The following ZNF440 variants were observed in gnomAD, a reference collection of about 807,000 sequenced individuals.
ZNF440 encodes the protein zinc finger protein 440.
A neutral mutation model predicts 49.7 loss-of-function variants in ZNF440; 47 were observed. The ratio of observed to expected loss-of-function variants is 0.95; its 90% CI spans 0.75 to 1.21. The LOEUF is 1.21. Among genes scored for constraint, ZNF440 ranks in the 50% most tolerant of loss-of-function variants. The probability of loss-of-function intolerance (pLI) is 0.00; values close to 1 mark genes in which losing one functional copy is unlikely to be tolerated. For missense variants in ZNF440, 703 were observed against 715.0 expected (o/e 0.98, Z 0.19); for synonymous variants, 255 against 237.7 (o/e 1.07, Z -0.67).
intron 1 of ZNF440, among the ~76,000 whole-genome samples, chr19:11,820,519 G>T (rs1975786723): frequency 6.6e-6 from 1 of 152,068 alleles, no homozygotes; most frequent in South Asian, 2.1e-4. Flanking sequence ...ACTGTGCCCG[G>T]CCCTACACCC....
At chr19:11,828,917 C>G (rs1975899687) in intron 1 of ZNF440, among the ~76,000 whole-genome samples, 1 of 151,954 alleles carries the variant, frequency 6.6e-6, no homozygotes, top group African/African-American at 2.4e-5. Context: ...CTCCAACCCT[C>G]AGGTGATCTG....
rs138637810 is a variant in ZNF440, at chr19:11,821,977, T to C, written c.3+7527T>C. ...ACATCCAGGATGCACATTCAACCAGTAGGTGGGGAGCAAGACAGACAGGGA... is the reference window on the plus strand; with the variant it reads ...ACATCCAGGATGCACATTCAACCAGCAGGTGGGGAGCAAGACAGACAGGGA... On this transcript the variant is annotated intron_variant, in intron 1 of 3. Coordinates refer to ENST00000304060, the MANE Select transcript of ZNF440 (RefSeq NM_152357.3). Among the ~76,000 whole-genome samples the C allele has an allele frequency of 4.1e-3, 628 of 152,110 alleles. 6 individuals are homozygous for C. The highest frequency in any genetic ancestry group is 0.015 in the African/African-American group (613 of 41,508).
chr19:11,831,669 G>T lies in ZNF440; in HGVS notation c.493G>T (p.Asp165Tyr). Reference protein sequence around the residue: ...YRPSFRTQERDHTGEKPNACK... With the variant: ...YRPSFRTQERYHTGEKPNACK... ...CCCCTCCTTTAGAACACAAGAAAGG[G>T]ATCACACTGGAGAGAAACCCAATGC... Residue 165 changes from aspartate (D) to tyrosine (Y), a missense_variant, in exon 4 of 4, where the codon GAT (aspartate) becomes TAT (tyrosine). Coordinates refer to ENST00000304060, the MANE Select transcript of ZNF440 (RefSeq NM_152357.3). The T allele has an allele frequency of 6.2e-7, 1 of 1,614,148 alleles. No individual in the cohort carries two copies. Among genetic ancestry groups the T allele is most frequent in the Non-Finnish European group, 8.5e-7 (1 of 1,180,008 alleles).
In ZNF440 at chr19:11,831,546, A is replaced by G. The variant is rs780633623; in HGVS notation, c.370A>G (p.Asn124Asp). 30 of 1,614,062 alleles carry G rather than the reference A, an allele frequency of 1.9e-5. No individual in the cohort carries two copies. The South Asian group carries it at 2.5e-4, about 14-fold the overall frequency. The change falls in exon 4 of 4, where the codon AAC becomes GAC. Residue 124 changes from asparagine (N) to aspartate (D), a missense_variant. Coordinates refer to ENST00000304060, the MANE Select transcript of ZNF440 (RefSeq NM_152357.3). ...VGLGNSSFNM[N>D]IRGDIGHKAY... ...CCTAGGTAACTCATCTTTTAATATGAACATCAGAGGTGACATTGGACACAA... is the reference window on the plus strand; with the variant it reads ...CCTAGGTAACTCATCTTTTAATATGGACATCAGAGGTGACATTGGACACAA...
In ZNF440 at chr19:11,831,611, G is replaced by A; in HGVS notation, c.435G>A (p.Lys145=). 2 of 1,614,166 alleles carry A rather than the reference G, an allele frequency of 1.2e-6. No homozygotes were observed. Among genetic ancestry groups the A allele is most frequent in the Non-Finnish European group, 1.7e-6 (2 of 1,180,020 alleles). ...EYQEYGPKPC[K]CQQPKKAFRY... ...AGGAATATGGACCAAAGCCATGTAA[G>A]TGTCAACAACCTAAAAAAGCCTTCA... Residue 145 remains lysine (K), a synonymous_variant, in exon 4 of 4, where the codon AAG becomes AAA. Coordinates refer to ENST00000304060, the MANE Select transcript of ZNF440 (RefSeq NM_152357.3).
intron 1 of ZNF440, among the ~76,000 whole-genome samples, chr19:11,822,815 C>T (rs1975814707): frequency 7.6e-6 from 1 of 132,096 alleles, no homozygotes; most frequent in Admixed American, 8.4e-5. Flanking sequence ...CCATTGCTCT[C>T]CAGCCTGGGC....
chr19:11,824,789 C>T (rs1333948215), intron 1 of ZNF440, among the ~76,000 whole-genome samples: 1 of 149,464 alleles, frequency 6.7e-6, no homozygotes, highest in East Asian at 2.0e-4. Flanking sequence ...CTCACTGCAA[C>T]CTCCGCCTCC....
At position 11,832,856 on chromosome 19, in the gene ZNF440, C is replaced by G. The variant is rs766528860; in HGVS notation, c.1680C>G (p.Tyr560Ter). Reference sequence around the variant, plus strand: ...CAGATCTGCCCCACACCTTTGAATACGTGGTAGGACACACAATGGAGAGAA... The same window carrying G: ...CAGATCTGCCCCACACCTTTGAATAGGTGGTAGGACACACAATGGAGAGAA... ...KPSDLPHTFE[Y>*]VVGHTMERSP... Residue 560 changes from tyrosine to a stop codon, truncating the protein, a stop_gained, in exon 4 of 4, where the codon TAC becomes TAG. Transcript: ENST00000304060. LOFTEE classifies it high-confidence loss of function. 1.2e-6 allele frequency: 2 copies of G among 1,612,594 alleles called. No homozygotes were observed. Among genetic ancestry groups the G allele is most frequent in the Non-Finnish European group, 1.7e-6 (2 of 1,178,880 alleles).
At position 11,832,872 on chromosome 19, in the gene ZNF440, A is replaced by T. The variant is rs527740574; in HGVS notation, c.1696A>T (p.Met566Leu). 3.5e-4 allele frequency: 565 copies of T among 1,611,694 alleles called. 4 individuals carry two copies. In the South Asian group the frequency reaches 5.8e-3, roughly 16 times the overall value. ...CTTTGAATACGTGGTAGGACACACA[A>T]TGGAGAGAAGCCCTATGCATGTAAG... ...HTFEYVVGHT[M>L]ERSPMHVRNV... Residue 566 changes from methionine (M) to leucine (L), a missense_variant, in exon 4 of 4, where the codon ATG (methionine) becomes TTG (leucine). Met to Leu is a conservative substitution (Grantham distance 15). Coordinates refer to ENST00000304060, the MANE Select transcript of ZNF440 (RefSeq NM_152357.3).
At chr19:11,822,220 T>C (rs1356174604) in intron 1 of ZNF440, among the ~76,000 whole-genome samples, 3 of 152,180 alleles carry the variant, frequency 2.0e-5, no homozygotes, top group African/African-American at 4.8e-5. Flanking sequence ...GTCACCAGAA[T>C]GCAGTTGTGT....
At position 11,819,517 on chromosome 19, in the gene ZNF440, G is replaced by A. The variant is rs1050977632; in HGVS notation, c.3+5067G>A. ...GGGTTAAAGTAATTCTCCTGCCTCA[G>A]CCTCCCAAGTATCTGGGATTACAGG... On this transcript the variant is annotated intron_variant, in intron 1 of 3. Transcript: ENST00000304060. Among the ~76,000 whole-genome samples, 50 of 152,166 alleles carry A rather than the reference G, an allele frequency of 3.3e-4. 1 individual carries two copies. Among genetic ancestry groups the A allele is most frequent in the Admixed American group, 1.8e-3 (28 of 15,278 alleles).
chr19:11,826,111 A>G (rs1427815890), intron 1 of ZNF440, among the ~76,000 whole-genome samples: 2 of 152,156 alleles, frequency 1.3e-5, no homozygotes, highest in Non-Finnish European at 2.9e-5. Context: ...GCACGCGGCC[A>G]GGGCCACTCA....
Position 11,831,698 on chromosome 19 carries a change from T to C in ZNF440, c.522T>C (p.Cys174=), listed in dbSNP as rs371957789. The change falls in exon 4 of 4, where the codon TGT becomes TGC. Residue 174 remains cysteine (C), a synonymous_variant. Coordinates refer to ENST00000304060, the MANE Select transcript of ZNF440 (RefSeq NM_152357.3). ...ACACTGGAGAGAAACCCAATGCTTG[T>C]AAAGTATGTGGAAAAACCTTTATTT... ...RDHTGEKPNA[C]KVCGKTFISH... 7.4e-6 allele frequency: 12 copies of C among 1,613,998 alleles called. No individual in the cohort carries two copies. In the African/African-American group the frequency reaches 1.5e-4, roughly 20 times the overall value.
At position 11,832,424 on chromosome 19, in the gene ZNF440, G is replaced by C. The variant is rs371649883; in HGVS notation, c.1248G>C (p.Arg416Ser). Reference protein sequence around the residue: ...RSASHLRVHGRTHTGEKPYEC... With the variant: ...RSASHLRVHGSTHTGEKPYEC... Reference sequence around the variant, plus strand: ...CCTCACACCTTCGAGTGCATGGTAGGACTCACACTGGAGAGAAACCGTATG... The same window carrying C: ...CCTCACACCTTCGAGTGCATGGTAGCACTCACACTGGAGAGAAACCGTATG... The change falls in exon 4 of 4, where the codon AGG (arginine) becomes AGC (serine). Residue 416 changes from arginine (R) to serine (S), a missense_variant. Transcript: ENST00000304060. 5.6e-6 allele frequency: 9 copies of C among 1,613,010 alleles called. No homozygotes were observed. In the Admixed American group the frequency reaches 1.5e-4, roughly 27 times the overall value.
chr19:11,832,429 A>G lies in ZNF440; in HGVS notation c.1253A>G (p.His418Arg). The G allele has an allele frequency of 6.2e-7, 1 of 1,613,852 alleles. No individual in the cohort carries two copies. The highest frequency in any genetic ancestry group is 1.1e-5 in the South Asian group (1 of 91,066). Residue 418 changes from histidine (H) to arginine (R), a missense_variant, in exon 4 of 4, where the codon CAC becomes CGC. Coordinates refer to ENST00000304060, the MANE Select transcript of ZNF440 (RefSeq NM_152357.3). ...ASHLRVHGRT[H>R]TGEKPYECKE... is the part of the protein sequence containing the mutation. The stretch of plus-strand genomic sequence containing the variant: ...CACCTTCGAGTGCATGGTAGGACTC[A>G]CACTGGAGAGAAACCGTATGAATGT...
In ZNF440 at chr19:11,832,248, C is replaced by G. The variant is rs764937164; in HGVS notation, c.1072C>G (p.His358Asp). 3 of 1,613,958 alleles carry G rather than the reference C, an allele frequency of 1.9e-6. No individual in the cohort carries two copies. The highest frequency in any genetic ancestry group is 1.7e-6 in the Non-Finnish European group (2 of 1,179,966). ...DFCSVNSFQR[H>D]EKIHSGEKPY... ...TTGTTCTGTGAATTCATTTCAAAGA[C>G]ATGAAAAAATTCACAGTGGAGAGAA... The change falls in exon 4 of 4, where the codon CAT becomes GAT. Residue 358 changes from histidine to aspartate, a missense_variant. By Grantham distance (81) the His-to-Asp change is moderately conservative (BLOSUM62 -1). Transcript: ENST00000304060.
chr19:11,821,049 C>A (rs1975793879), intron 1 of ZNF440, among the ~76,000 whole-genome samples: 1 of 152,182 alleles, frequency 6.6e-6, no homozygotes. Flanking sequence ...TCAAAATATG[C>A]ATGCTTCTCC....
At chr19:11,828,602 G>T (rs1975894782) in intron 1 of ZNF440, among the ~76,000 whole-genome samples, 1 of 151,930 alleles carries the variant, frequency 6.6e-6, no homozygotes, top group Non-Finnish European at 1.5e-5. Flanking sequence ...TCTCTAAGAT[G>T]AATTCTATTG....
intron 1 of ZNF440, among the ~76,000 whole-genome samples, chr19:11,820,414 T>A (rs1476744361): frequency 6.6e-6 from 1 of 152,110 alleles, no homozygotes; most frequent in Non-Finnish European, 1.5e-5. Context: ...GAGACGGGGT[T>A]TCACCGTATT....
Sources: gnomAD v4.1 joint callset for allele counts (sites outside exome capture counted in the v4.1 genomes callset) on GRCh38, gnomAD v4.1.1 for gene constraint, MANE v1.5 for transcripts, NCBI Gene and HGNC (gene_info 2026-07-23, HGNC 2026-07-21) for gene names.